DCDC2: variants seen among roughly 807,000 people sequenced by gnomAD.
The protein encoded by DCDC2 is doublecortin domain containing 2.
A neutral mutation model predicts 50.2 loss-of-function variants in DCDC2; 40 were observed. That is an observed-to-expected ratio of 0.80 (90% CI 0.62 to 1.04). The LOEUF is 1.04. Ranked by LOEUF, DCDC2 falls within the 50% of genes least tolerant of loss-of-function variation. The pLI is 0.00. For missense variants in DCDC2, 570 were observed against 581.9 expected, an observed-to-expected ratio of 0.98 and a Z score of 0.21; for synonymous variants, 234 against 210.6, an observed-to-expected ratio of 1.11 and a Z score of -0.96.
chr6:24,325,851 C>T (rs1759849414), intron 2 of DCDC2, among the ~76,000 whole-genome samples: 1 of 148,832 alleles, frequency 6.7e-6, no homozygotes, highest in Non-Finnish European at 1.5e-5. Flanking sequence ...TTTACCATGT[C>T]TCTGGTTTTT....
the DCDC2 span, among the ~76,000 whole-genome samples, chr6:24,382,009 A>AAGGCAGGCAGGC: frequency 8.1e-4 from 94 of 116,494 alleles, no homozygotes; most frequent in South Asian, 2.4e-3. Flanking sequence ...GGAAGGAAGG[A>AAGGCAGGCAGGC]AGGCAGGCAA....
At chr6:24,224,967 C>T (rs1762197421) in intron 7 of DCDC2, among the ~76,000 whole-genome samples, 1 of 152,144 alleles carries the variant, frequency 6.6e-6, no homozygotes, top group Admixed American at 6.5e-5. Context: ...GTTATGCAAC[C>T]AATTAAAAAC....
chr6:24,207,296 C>A, intron 7 of DCDC2, among the ~76,000 whole-genome samples: 1 of 150,060 alleles, frequency 6.7e-6, no homozygotes, highest in East Asian at 2.0e-4. Flanking sequence ...CTCAGACACA[C>A]ACACACACAC....
rs1358963101 is a variant in DCDC2 at position 24,357,642 on chromosome 6, G to C, written c.109C>G (p.His37Asp). ...TCGAAGCTGGACACCTTCTTCTCAT[G>C]GATGACGACGCGGCGCCCCGCGTAG... Reference protein sequence around the residue: ...PFYAGRRVVIHEKKVSSFEVF... With the variant: ...PFYAGRRVVIDEKKVSSFEVF... Residue 37 changes from histidine (H) to aspartate (D), a missense_variant, in exon 1 of 10, where the codon CAT becomes GAT. Physicochemically the swap from His to Asp is moderately conservative, Grantham distance 81. Coordinates refer to ENST00000378454, the MANE Select transcript of DCDC2 (RefSeq NM_016356.5). 1.2e-6 allele frequency: 2 copies of C among 1,613,470 alleles called. No homozygotes were observed. Among genetic ancestry groups the C allele is most frequent in the South Asian group, 2.2e-5 (2 of 91,086 alleles).
chr6:24,263,133 T>C (rs1212875211), intron 7 of DCDC2, among the ~76,000 whole-genome samples: 1 of 152,194 alleles, frequency 6.6e-6, no homozygotes, highest in Non-Finnish European at 1.5e-5. Context: ...AAGACAGTGC[T>C]TCCACGCATC....
At position 24,324,226 on chromosome 6, in the gene DCDC2, A is replaced by T. The variant is rs7751141; in HGVS notation, c.349-22182T>A. On this transcript the variant is annotated intron_variant, in intron 2 of 9. Coordinates refer to ENST00000378454, the MANE Select transcript of DCDC2 (RefSeq NM_016356.5). Reference sequence around the variant, plus strand: ...GTTCAGTGAGTTTTTTCCTCAAAAAATGTAAGAAGCTCGCAAAAAGTAACA... The same window carrying T: ...GTTCAGTGAGTTTTTTCCTCAAAAATTGTAAGAAGCTCGCAAAAAGTAACA... Among the ~76,000 whole-genome samples, 3 of 152,112 alleles carry T rather than the reference A, an allele frequency of 2.0e-5. No homozygotes were observed. In the East Asian group the frequency reaches 5.8e-4, roughly 29 times the overall value.
Position 24,190,162 on chromosome 6 carries a change from CAGA to C in DCDC2, c.1024-11533_1024-11531del, listed in dbSNP as rs751977815. ...ATTCAGAGACATGACCCTGTAAGTA[CAGA>C]AGAAGAGTGAAGCTGTGGCCAGTCA... On this transcript the variant is annotated intron_variant, in intron 8 of 9. Coordinates refer to ENST00000378454, the MANE Select transcript of DCDC2 (RefSeq NM_016356.5). 5.2e-4 allele frequency among the ~76,000 whole-genome samples: 79 copies of C among 151,894 alleles called. 2 individuals carry two copies. Among genetic ancestry groups the C allele is most frequent in the Middle Eastern group, 3.4e-3 (1 of 294 alleles).
the DCDC2 span, among the ~76,000 whole-genome samples, chr6:24,369,133 C>CAAAAAAAAAAAAAAA: frequency 1.2e-4 from 11 of 92,776 alleles, no homozygotes; most frequent in African/African-American, 4.8e-4. Context: ...GACTCTGTCT[C>CAAAAAAAAAAAAAAA]AAAAAAAAAA....
chr6:24,200,537 A>G (rs1442787339), intron 8 of DCDC2, among the ~76,000 whole-genome samples: 1 of 152,170 alleles, frequency 6.6e-6, no homozygotes, highest in African/African-American at 2.4e-5. Flanking sequence ...AAAAACCAGT[A>G]CCAGCCACTG....
Position 24,357,766 on chromosome 6 carries a change from C to T in DCDC2, c.-16G>A. 1 of 1,612,154 alleles carries T rather than the reference C, an allele frequency of 6.2e-7. No individual in the cohort carries two copies. ...TGCCGCTCATCTTCCCCGCTGGCCGCCGCCTCAGCTCGCTGCTTCGCGTCG... is the reference window on the plus strand; with the variant it reads ...TGCCGCTCATCTTCCCCGCTGGCCGTCGCCTCAGCTCGCTGCTTCGCGTCG... On this transcript the variant is annotated 5_prime_UTR_variant, in exon 1 of 10. Transcript: ENST00000378454.
chr6:24,363,195 T>C, the DCDC2 span, among the ~76,000 whole-genome samples: 1 of 152,142 alleles, frequency 6.6e-6, no homozygotes, highest in Non-Finnish European at 1.5e-5. Flanking sequence ...TTGCTGTGCA[T>C]TAAAAATAAT....
intron 7 of DCDC2, among the ~76,000 whole-genome samples, chr6:24,266,416 C>A (rs1366260461): frequency 6.6e-6 from 1 of 152,088 alleles, no homozygotes; most frequent in South Asian, 2.1e-4. Flanking sequence ...GCAAACTACC[C>A]ATCTGACAAG....
rs1308159208 is a variant in DCDC2 at position 24,178,570 on chromosome 6, C to T, written c.1086G>A (p.Gln362=). Residue 362 remains glutamine, a synonymous_variant, in exon 9 of 10, where the codon CAG becomes CAA. Transcript: ENST00000378454. ...DGEKANKDAE[Q]KEDFSGMNGD... ...CATTCATTCCTGAAAAGTCTTCTTT[C>T]TGTTCTGCATCCTTGTTTGCCTTCT... is the stretch of plus-strand genomic sequence containing the variant. The T allele has an allele frequency of 6.2e-7, 1 of 1,614,032 alleles. No individual in the cohort carries two copies. The highest frequency in any genetic ancestry group is 2.2e-5 in the East Asian group (1 of 44,880).
chr6:24,301,850 G>GA lies in DCDC2; in HGVS notation c.426-5dup. The GA allele has an allele frequency of 6.2e-7, 1 of 1,614,090 alleles. No individual in the cohort carries two copies. The highest frequency in any genetic ancestry group is 8.5e-7 in the Non-Finnish European group (1 of 1,180,014). ...GAGGTCTCCATTTGCAATCAAGCTG[G>GA]AAAACAGGGGGCAAACCTTCTGAAA... On this transcript the variant is annotated splice_polypyrimidine_tract_variant and splice_region_variant and intron_variant, in intron 3 of 9. Coordinates refer to ENST00000378454, the MANE Select transcript of DCDC2 (RefSeq NM_016356.5).
At chr6:24,370,362 T>C in the DCDC2 span, among the ~76,000 whole-genome samples, 2 of 152,230 alleles carry the variant, frequency 1.3e-5, no homozygotes, top group South Asian at 4.1e-4. Flanking sequence ...TAGGATATCA[T>C]ATACCCAGCT....
At chr6:24,290,857 T>C (rs1442130653) in intron 5 of DCDC2, 75 bp downstream of exon 5, 11 of 1,253,480 alleles carry the variant, frequency 8.8e-6, no homozygotes, top group Non-Finnish European at 1.2e-5. Flanking sequence ...TAAAATATAA[T>C]GGTGGTCAGC....
intron 7 of DCDC2, among the ~76,000 whole-genome samples, chr6:24,257,043 G>T (rs898031924): frequency 1.3e-5 from 2 of 152,048 alleles, no homozygotes; most frequent in African/African-American, 4.8e-5. Flanking sequence ...TCAAATAAAT[G>T]GTCTTTTCTC....
chr6:24,319,205 T>C (rs1453263917), intron 2 of DCDC2, among the ~76,000 whole-genome samples: 2 of 152,326 alleles, frequency 1.3e-5, no homozygotes, highest in Middle Eastern at 6.8e-3. Flanking sequence ...GTTTTTCATA[T>C]GCTTTTTGGC....
chr6:24,349,559 A>G (rs1165519948), intron 2 of DCDC2, among the ~76,000 whole-genome samples: 1 of 152,164 alleles, frequency 6.6e-6, no homozygotes. Flanking sequence ...AGGCTGCTTA[A>G]GGTAAAGAGG....
Sources: gnomAD v4.1 joint callset for allele counts (sites outside exome capture counted in the v4.1 genomes callset) on GRCh38, gnomAD v4.1.1 for gene constraint, MANE v1.5 for transcripts, NCBI Gene and HGNC (gene_info 2026-07-23, HGNC 2026-07-21) for gene names.